The following DACH1 variants were observed in gnomAD, a reference collection of about 807,000 sequenced individuals.
The protein encoded by DACH1 is dachshund homolog 1.
A neutral mutation model predicts 54.2 loss-of-function variants in DACH1; 12 were observed. That is an observed-to-expected ratio of 0.22 (90% confidence interval 0.14 to 0.36). The LOEUF is 0.36. DACH1 is among the 10% of genes least tolerant of loss of function. The pLI, the probability that DACH1 is intolerant of heterozygous loss-of-function variation, is 1.00. For missense variants in DACH1, 805 were observed against 929.8 expected, an observed-to-expected ratio of 0.87 and a Z score of 1.75; for synonymous variants, 386 against 366.2, an observed-to-expected ratio of 1.05 and a Z score of -0.62.
intron 7 of DACH1, among the ~76,000 whole-genome samples, chr13:71,485,676 G>A (rs1274633528): frequency 4.7e-5 from 7 of 148,500 alleles, no homozygotes; most frequent in South Asian, 4.3e-4. Flanking sequence ...TCTGCCTCCC[G>A]GGTTCAAGTG....
chr13:71,482,712 A>G (rs1356645660), intron 7 of DACH1, among the ~76,000 whole-genome samples: 1 of 152,160 alleles, frequency 6.6e-6, no homozygotes, highest in Non-Finnish European at 1.5e-5. Context: ...TCAGGGAGAA[A>G]AAGAATAATG....
At chr13:71,442,155 C>G (rs1422216991) in intron 10 of DACH1, among the ~76,000 whole-genome samples, 2 of 151,664 alleles carry the variant, frequency 1.3e-5, no homozygotes. Context: ...TTTTTTGAAC[C>G]CATTAACTAT....
At chr13:71,655,574 T>C (rs1421922978) in intron 2 of DACH1, among the ~76,000 whole-genome samples, 1 of 151,976 alleles carries the variant, frequency 6.6e-6, no homozygotes, top group Non-Finnish European at 1.5e-5. Context: ...TTTCTCCATG[T>C]TGGTCAGGCT....
chr13:71,800,561 T>C (rs1288621218), intron 1 of DACH1, among the ~76,000 whole-genome samples: 2 of 152,090 alleles, frequency 1.3e-5, no homozygotes, highest in African/African-American at 4.8e-5. Context: ...AGAAAGTAGG[T>C]ACAGCATATG....
At chr13:71,849,707 T>C (rs9572806) in intron 1 of DACH1, among the ~76,000 whole-genome samples, 14,323 of 152,128 alleles carry the variant, frequency 0.094, 1,394 homozygotes, top group East Asian at 0.56. Context: ...TGTGCACACA[T>C]GTAGAGGCCA....
chr13:71,697,880 C>T (rs898857206), intron 1 of DACH1, among the ~76,000 whole-genome samples: 14 of 151,548 alleles, frequency 9.2e-5, no homozygotes, highest in South Asian at 6.3e-4. Flanking sequence ...AAATAGAGCC[C>T]GATTTTATGC....
intron 1 of DACH1, among the ~76,000 whole-genome samples, chr13:71,757,739 T>A (rs1885229461): frequency 6.6e-6 from 1 of 152,114 alleles, no homozygotes; most frequent in Non-Finnish European, 1.5e-5. Flanking sequence ...GCCAGGCTGA[T>A]CTTGATCTCC....
chr13:71,635,508 T>A (rs563988363), intron 2 of DACH1, among the ~76,000 whole-genome samples: 5 of 152,290 alleles, frequency 3.3e-5, no homozygotes, highest in Admixed American at 1.3e-4. Flanking sequence ...AACAAAAAAA[T>A]TCATGTAATA....
intron 2 of DACH1, among the ~76,000 whole-genome samples, chr13:71,679,983 T>C (rs1880803141): frequency 6.6e-6 from 1 of 151,882 alleles, no homozygotes; most frequent in African/African-American, 2.4e-5. Context: ...GTTAAGATTT[T>C]CATATGTAGT....
chr13:71,610,494 A>G (rs1266639870), intron 3 of DACH1, among the ~76,000 whole-genome samples: 1 of 152,196 alleles, frequency 6.6e-6, no homozygotes, highest in East Asian at 1.9e-4. Flanking sequence ...AAAGCATCTC[A>G]TAATTGCCAA....
intron 3 of DACH1, among the ~76,000 whole-genome samples, chr13:71,610,458 T>C (rs1198050721): frequency 1.3e-5 from 2 of 152,156 alleles, no homozygotes; most frequent in Admixed American, 6.5e-5. Flanking sequence ...AGTAATTTCC[T>C]ACTATTATAT....
chr13:71,784,031 A>G (rs1886493137), intron 1 of DACH1, among the ~76,000 whole-genome samples: 1 of 151,690 alleles, frequency 6.6e-6, no homozygotes, highest in Non-Finnish European at 1.5e-5. Context: ...GTAAAAACTT[A>G]TTGAGGACAA....
At chr13:71,583,334 C>T (rs530718611) in intron 3 of DACH1, among the ~76,000 whole-genome samples, 1 of 152,080 alleles carries the variant, frequency 6.6e-6, no homozygotes, top group South Asian at 2.1e-4. Context: ...TTTTTCCCAA[C>T]ATCAATATTA....
intron 2 of DACH1, among the ~76,000 whole-genome samples, chr13:71,649,484 A>G (rs1247527753): frequency 6.6e-6 from 1 of 152,134 alleles, no homozygotes; most frequent in East Asian, 1.9e-4. Context: ...TAGCGGATAT[A>G]AAAATTAAAT....
At chr13:71,680,260 A>T (rs765534057) in intron 2 of DACH1, among the ~76,000 whole-genome samples, 7 of 152,176 alleles carry the variant, frequency 4.6e-5, no homozygotes, top group African/African-American at 4.8e-5. Flanking sequence ...TTCATGCATG[A>T]AATTAGTATA....
At chr13:71,748,152 T>C (rs1884685051) in intron 1 of DACH1, among the ~76,000 whole-genome samples, 1 of 151,250 alleles carries the variant, frequency 6.6e-6, no homozygotes. Context: ...GTTGTGAACA[T>C]GCTCTGTTAA....
intron 1 of DACH1, among the ~76,000 whole-genome samples, chr13:71,779,808 C>T (rs9592807): frequency 0.27 from 41,224 of 151,846 alleles, 5,941 homozygotes; most frequent in Non-Finnish European, 0.29. Flanking sequence ...TCTACTCAAC[C>T]GCATCCACCT....
intron 1 of DACH1, among the ~76,000 whole-genome samples, chr13:71,745,823 G>A (rs181596477): frequency 6.6e-6 from 1 of 152,260 alleles, no homozygotes; most frequent in Admixed American, 6.5e-5. Context: ...AATACCTAGA[G>A]GGGTTACCAT....
At chr13:71,560,004 C>T (rs370064418) in intron 4 of DACH1, 49 bp from the exon 5 acceptor site, 110 of 1,429,154 alleles carry the variant, frequency 7.7e-5, no homozygotes, top group East Asian at 8.0e-5. Flanking sequence ...TTAAATACAA[C>T]GGATCTTTAC....
Sources: allele counts gnomAD v4.1 joint callset (sites outside exome capture counted in the v4.1 genomes callset), GRCh38; gene constraint gnomAD v4.1.1; transcripts MANE v1.5; gene names NCBI Gene and HGNC (gene_info 2026-07-23, HGNC 2026-07-21).